Variants in TBC1D13 observed in about 807,000 individuals in gnomAD.
TBC1D13 encodes the protein TBC1 domain family member 13, also known as epididymis secretory sperm binding protein.
A neutral mutation model predicts 53.6 loss-of-function variants in TBC1D13; 40 were observed. The observed-to-expected ratio is 0.75, with a 90% confidence interval of 0.58 to 0.97. The LOEUF is 0.97. Ranked by LOEUF, TBC1D13 falls within the 50% of genes least tolerant of loss-of-function variation. The probability of loss-of-function intolerance (pLI) is 0.00; values close to 1 mark genes in which losing one functional copy is unlikely to be tolerated. For missense variants in TBC1D13, 377 were observed against 499.4 expected (o/e 0.75, Z 2.34); for synonymous variants, 182 against 197.7 (o/e 0.92, Z 0.67).
intron 9 of TBC1D13, 22 bp from the exon 10 acceptor site, chr9:128,805,837 A>T: frequency 6.5e-7 from 1 of 1,541,572 alleles, no homozygotes; most frequent in Non-Finnish European, 8.9e-7. Flanking sequence ...CATGCCCCCC[A>T]CCCCCCACGC....
In TBC1D13 at chr9:128,807,917, C is replaced by A. The variant is rs912815369; in HGVS notation, c.*38C>A. On this transcript the variant is annotated 3_prime_UTR_variant, in exon 12 of 12. Coordinates refer to ENST00000372648, the MANE Select transcript of TBC1D13 (RefSeq NM_018201.5). The stretch of plus-strand genomic sequence containing the variant: ...AGGCCCATGTTCCGGAGAGAAGCCT[C>A]CCGACCCTGTGCCCTGGCTCCCGGG... 2 of 1,600,210 alleles carry A rather than the reference C, an allele frequency of 1.2e-6. No individual in the cohort carries two copies. Among genetic ancestry groups the A allele is most frequent in the Non-Finnish European group, 8.6e-7 (1 of 1,167,548 alleles).
rs147552518 is a variant in TBC1D13 at position 128,806,093 on chromosome 9, C to A, written c.1079+74C>A. On this transcript the variant is annotated intron_variant, in intron 10 of 11. Coordinates refer to ENST00000372648, the MANE Select transcript of TBC1D13 (RefSeq NM_018201.5). ...GAAGCCAGACAGGAGGACCCTCCGC[C>A]CCGAAGGGTGGGCAGGGCTGCTCTT... The A allele has an allele frequency of 5.5e-3, 8,768 of 1,583,714 alleles. 36 individuals carry two copies. The highest frequency in any genetic ancestry group is 0.016 in the Middle Eastern group (93 of 5,948).
At chr9:128,803,924 G>C (rs377341637) in intron 8 of TBC1D13, 32 bp from the exon 9 acceptor site, 2 of 1,609,556 alleles carry the variant, frequency 1.2e-6, no homozygotes, top group Non-Finnish European at 1.7e-6. Flanking sequence ...CCTGGAGTGC[G>C]CCACTTCTGC....
At position 128,809,462 on chromosome 9, in the gene TBC1D13, C is replaced by G. The variant is rs1256922081; in HGVS notation, c.*1583C>G. 6.6e-6 allele frequency: 1 copy of G among 152,220 alleles called. No homozygotes were observed. The highest frequency in any genetic ancestry group is 1.5e-5 in the Non-Finnish European group (1 of 68,040). 9.4% of individuals were successfully genotyped at this position (152,220 alleles called of 1,614,324 possible). A position where few individuals can be genotyped will look rare whatever the true frequency, so the allele number is the denominator to read the frequency against. On this transcript the variant is annotated 3_prime_UTR_variant, in exon 12 of 12. Transcript: ENST00000372648. ...AGGACTTCTCGCTGCCCTTCCAAGCCCGGCTTTGGGCCAGGAAAGGCTTCC... is the reference window on the plus strand; with the variant it reads ...AGGACTTCTCGCTGCCCTTCCAAGCGCGGCTTTGGGCCAGGAAAGGCTTCC...
At chr9:128,806,866 C>T (rs1353551682) in intron 11 of TBC1D13, among the ~76,000 whole-genome samples, 9 of 151,758 alleles carry the variant, frequency 5.9e-5, no homozygotes, top group Non-Finnish European at 1.2e-4. Context: ...ATCACTTTAA[C>T]TTGGGAGGTG....
chr9:128,804,252 G>A lies in TBC1D13; in HGVS notation c.918+133G>A, dbSNP rs182942281. 8.8e-4 allele frequency: 946 copies of A among 1,074,598 alleles called. 4 individuals carry two copies. In the African/African-American group the frequency reaches 0.012, roughly 14 times the overall value. The allele number at this position is 1,074,598 out of a possible 1,614,324, so 66.6% of individuals were successfully genotyped here. On this transcript the variant is annotated intron_variant, in intron 9 of 11. Transcript: ENST00000372648. ...TGCTGCTGCTGCTGCCCGGGACGCT[G>A]ACCCATGTGCTGAGGCAGCTGATGG...
At chr9:128,799,318 T>C (rs1396595642) in intron 7 of TBC1D13, among the ~76,000 whole-genome samples, 1 of 152,186 alleles carries the variant, frequency 6.6e-6, no homozygotes, top group African/African-American at 2.4e-5. Flanking sequence ...TCCCTAAGCC[T>C]CTGGGTTCGT....
Position 128,788,322 on chromosome 9 carries a change from C to T in TBC1D13, c.24-12C>T. ...CAGCATGCTTCATTTGCCGCCCTAT[C>T]TCCCCTTCCAGAATTGCAGATTTCC... On this transcript the variant is annotated splice_polypyrimidine_tract_variant and intron_variant, in intron 1 of 11. Coordinates refer to ENST00000372648, the MANE Select transcript of TBC1D13 (RefSeq NM_018201.5). 1 of 1,613,888 alleles carries T rather than the reference C, an allele frequency of 6.2e-7. No individual in the cohort carries two copies. The highest frequency in any genetic ancestry group is 2.2e-5 in the East Asian group (1 of 44,890).
rs186044970 is a variant in TBC1D13 at position 128,803,232 on chromosome 9, C to G, written c.544-18C>G. ...CCAGCATTGTCTTTCTTGATGGGCT[C>G]CTCCTCTTCTCCTCCAGATGAGCTC... On this transcript the variant is annotated intron_variant, in intron 7 of 11. Coordinates refer to ENST00000372648, the MANE Select transcript of TBC1D13 (RefSeq NM_018201.5). 1 of 1,610,308 alleles carries G rather than the reference C, an allele frequency of 6.2e-7. No individual in the cohort carries two copies. The highest frequency in any genetic ancestry group is 1.1e-5 in the South Asian group (1 of 90,986).
Position 128,808,494 on chromosome 9 carries a change from G to T in TBC1D13, c.*615G>T, listed in dbSNP as rs1766602723. On this transcript the variant is annotated 3_prime_UTR_variant, in exon 12 of 12. Coordinates refer to ENST00000372648, the MANE Select transcript of TBC1D13 (RefSeq NM_018201.5). ...GTCTCTCAGGCCTCCAGGTCTCCCA[G>T]CCCCTCCTTCTCTGTCTCTACCTCT... 1.3e-5 allele frequency: 2 copies of T among 155,676 alleles called. No homozygotes were observed. Among genetic ancestry groups the T allele is most frequent in the Non-Finnish European group, 2.7e-5 (2 of 73,556 alleles). 9.6% of individuals were successfully genotyped at this position (155,676 alleles called of 1,614,324 possible).
In TBC1D13 at chr9:128,805,870, C is replaced by T. The variant is rs1352036431; in HGVS notation, c.930C>T (p.Asn310=). The stretch of plus-strand genomic sequence containing the variant: ...CGCTGTCTCCCCAGCAAGAGCAGAA[C>T]ATCAAGCCTCAGTTCTTTGCCTTCC... ...VELYLKLQEQ[N]IKPQFFAFRW... The change falls in exon 10 of 12, where the codon AAC becomes AAT. Residue 310 remains asparagine, a synonymous_variant. Coordinates refer to ENST00000372648, the MANE Select transcript of TBC1D13 (RefSeq NM_018201.5). The T allele has an allele frequency of 1.2e-6, 2 of 1,613,642 alleles. No homozygotes were observed. The highest frequency in any genetic ancestry group is 2.2e-5 in the South Asian group (2 of 91,060).
rs1413101576 is a variant in TBC1D13, at chr9:128,808,758, G to GGTCCTCCCAACTGGGAGGGA, written c.*887_*906dup. 6 of 152,296 alleles carry GGTCCTCCCAACTGGGAGGGA rather than the reference G, an allele frequency of 3.9e-5. No homozygotes were observed. The highest frequency in any genetic ancestry group is 1.3e-4 in the Admixed American group (2 of 15,252). The allele number at this position is 152,296 out of a possible 1,614,324, so 9.4% of individuals were successfully genotyped here. On this transcript the variant is annotated 3_prime_UTR_variant, in exon 12 of 12. Transcript: ENST00000372648. The stretch of plus-strand genomic sequence containing the variant: ...TCCCATCCCCCAGCCCTGGCTCCTA[G>GGTCCTCCCAACTGGGAGGGA]GTCCTCCCAACTGGGAGGGAGTCCT...
chr9:128,787,624 T>G (rs1829447774), intron 1 of TBC1D13, among the ~76,000 whole-genome samples: 1 of 140,738 alleles, frequency 7.1e-6, no homozygotes, highest in African/African-American at 2.7e-5. Flanking sequence ...CCCCTTCCCC[T>G]GAGTCTTCCT....
chr9:128,793,505 A>T (rs1222716570), intron 6 of TBC1D13, among the ~76,000 whole-genome samples: 1 of 152,056 alleles, frequency 6.6e-6, no homozygotes, highest in Non-Finnish European at 1.5e-5. Context: ...CGCATTTACC[A>T]GTTGTTAGCT....
At chr9:128,791,564 G>C in intron 4 of TBC1D13, 30 bp from the exon 5 acceptor site, 1 of 1,612,798 alleles carries the variant, frequency 6.2e-7, no homozygotes, top group South Asian at 1.1e-5. Context: ...AGGACCGTTG[G>C]GAATCATCCT....
chr9:128,788,098 C>G (rs1368074689), intron 1 of TBC1D13, among the ~76,000 whole-genome samples: 1 of 152,202 alleles, frequency 6.6e-6, no homozygotes, highest in Admixed American at 6.5e-5. Context: ...AAGAATATCT[C>G]TCAAGTTTCT....
intron 9 of TBC1D13, among the ~76,000 whole-genome samples, chr9:128,804,720 G>GTTTTTTTTTTTTTTTTTTTT (rs1170366996): frequency 1.8e-5 from 1 of 56,392 alleles, no homozygotes; most frequent in African/African-American, 8.2e-5. Context: ...TTTTTTTTCT[G>GTTTTTTTTTTTTTTTTTTTT]TTTTTTTTTT....
At chr9:128,795,256 T>C (rs1829607122) in intron 6 of TBC1D13, among the ~76,000 whole-genome samples, 1 of 148,110 alleles carries the variant, frequency 6.8e-6, no homozygotes, top group Non-Finnish European at 1.5e-5. Context: ...TCTTGCTCTG[T>C]TGCCCAGGCT....
chr9:128,804,720 G>GTTTTTTTTTTTTT (rs1170366996), intron 9 of TBC1D13, among the ~76,000 whole-genome samples: 1 of 56,392 alleles, frequency 1.8e-5, no homozygotes, highest in Non-Finnish European at 3.0e-5. Context: ...TTTTTTTTCT[G>GTTTTTTTTTTTTT]TTTTTTTTTT....
Sources: allele counts gnomAD v4.1 joint callset (sites outside exome capture counted in the v4.1 genomes callset), GRCh38; gene constraint gnomAD v4.1.1; transcripts MANE v1.5; gene names NCBI Gene and HGNC (gene_info 2026-07-23, HGNC 2026-07-21).